The following SGCZ variants were observed in gnomAD, a reference collection of about 807,000 sequenced individuals.
SGCZ encodes the protein sarcoglycan zeta, also known as zeta-sarcoglycan.
SGCZ carries 40 observed loss-of-function variants against 41.3 expected under a neutral mutation model. The ratio of observed to expected loss-of-function variants is 0.97; its 90% CI spans 0.75 to 1.26. SGCZ has a LOEUF of 1.26. SGCZ is among the 50% of genes most tolerant of loss of function. SGCZ has a pLI of 0.00. For synonymous variants in SGCZ, 206 were observed against 137.5 expected (o/e 1.50, Z -3.49); for missense variants, 552 against 369.8 (o/e 1.49, Z -4.04).
At chr8:14,447,272 T>C (rs971651822) in intron 2 of SGCZ, among the ~76,000 whole-genome samples, 9 of 152,184 alleles carry the variant, frequency 5.9e-5, no homozygotes, top group Non-Finnish European at 1.3e-4. Context: ...AGATCTTTTC[T>C]TGCTAAAGTT....
chr8:14,107,923 G>A (rs1364451770), intron 6 of SGCZ, among the ~76,000 whole-genome samples: 1 of 152,164 alleles, frequency 6.6e-6, no homozygotes, highest in Admixed American at 6.5e-5. Flanking sequence ...GGTTACAGGT[G>A]TGAGCCACCG....
At chr8:15,009,410 T>A (rs1297505201) in intron 1 of SGCZ, among the ~76,000 whole-genome samples, 1 of 59,824 alleles carries the variant, frequency 1.7e-5, no homozygotes, top group African/African-American at 5.6e-5. Flanking sequence ...CGTTGGGTAT[T>A]ACAATTCTAC....
chr8:14,128,435 C>CT (rs1340154581), intron 5 of SGCZ, among the ~76,000 whole-genome samples: 4 of 152,122 alleles, frequency 2.6e-5, no homozygotes, highest in Admixed American at 6.5e-5. Context: ...AAAGGGAACG[C>CT]TTATACACTG....
rs183205262 is a variant in SGCZ at position 14,852,159 on chromosome 8, G to A, written c.40-297233C>T. ...CTTTAAGACTTCTCCTGCCAAGTCAGCTCCAGAAATAAAATCACAAAATCT... is the reference window on the plus strand; with the variant it reads ...CTTTAAGACTTCTCCTGCCAAGTCAACTCCAGAAATAAAATCACAAAATCT... On this transcript the variant is annotated intron_variant, in intron 1 of 7. Transcript: ENST00000382080. Among the ~76,000 whole-genome samples the A allele has an allele frequency of 4.1e-3, 623 of 152,146 alleles. 4 individuals are homozygous for A. Among genetic ancestry groups the A allele is most frequent in the South Asian group, 0.018 (86 of 4,830 alleles).
At chr8:14,381,897 T>C (rs1585430613) in intron 2 of SGCZ, among the ~76,000 whole-genome samples, 1 of 152,234 alleles carries the variant, frequency 6.6e-6, no homozygotes, top group Non-Finnish European at 1.5e-5. Context: ...AAGATGCTTC[T>C]ATTTTTCTGC....
intron 1 of SGCZ, among the ~76,000 whole-genome samples, chr8:15,003,723 G>A (rs934382945): frequency 1.3e-5 from 2 of 152,034 alleles, no homozygotes; most frequent in Non-Finnish European, 1.5e-5. Flanking sequence ...CAGGATTTAT[G>A]ACAAAAACTC....
At chr8:14,103,727 C>G (rs1802111917) in intron 6 of SGCZ, among the ~76,000 whole-genome samples, 1 of 151,918 alleles carries the variant, frequency 6.6e-6, no homozygotes, top group Non-Finnish European at 1.5e-5. Flanking sequence ...TTCATATAAT[C>G]CCTGGAGGGG....
At chr8:14,560,626 T>C (rs12680094) in intron 1 of SGCZ, among the ~76,000 whole-genome samples, 30,006 of 152,050 alleles carry the variant, frequency 0.2, 3,673 homozygotes, top group Non-Finnish European at 0.27. Context: ...TTCTAGAATG[T>C]TCTATTTCTA....
chr8:14,739,817 C>A (rs1338258086), intron 1 of SGCZ, among the ~76,000 whole-genome samples: 1 of 152,052 alleles, frequency 6.6e-6, no homozygotes, highest in Non-Finnish European at 1.5e-5. Context: ...GAATACTTAT[C>A]ATGCTAGGTC....
intron 2 of SGCZ, among the ~76,000 whole-genome samples, chr8:14,466,482 G>T (rs997818517): frequency 2.7e-4 from 41 of 151,888 alleles, no homozygotes; most frequent in African/African-American, 9.9e-4. Context: ...TGGAGCCACT[G>T]AGCTCCTTGG....
intron 1 of SGCZ, among the ~76,000 whole-genome samples, chr8:14,647,626 T>C (rs983205229): frequency 8.5e-5 from 13 of 152,072 alleles, no homozygotes; most frequent in Admixed American, 2.6e-4. Flanking sequence ...TAAATTAATA[T>C]TAAAACATAG....
In SGCZ at chr8:14,784,913, A is replaced by AAAAAATATATATAT. The variant is rs1408574493; in HGVS notation, c.40-229988_40-229987insATATATATATTTTT. Among the ~76,000 whole-genome samples, 197 of 87,958 alleles carry AAAAAATATATATAT rather than the reference A, an allele frequency of 2.2e-3. 2 individuals carry two copies. The highest frequency in any genetic ancestry group is 9.0e-3 in the African/African-American group (192 of 21,290). The allele number at this position is 87,958 out of a possible 152,430, so 57.7% of individuals were successfully genotyped here. On this transcript the variant is annotated intron_variant, in intron 1 of 7. Coordinates refer to ENST00000382080, the MANE Select transcript of SGCZ (RefSeq NM_139167.4). ...GTGAAACTCTGCCTCAAAAAAAAAAAATATATATATATATATATATAAAAT... is the reference window on the plus strand; with the variant it reads ...GTGAAACTCTGCCTCAAAAAAAAAAAAAAAATATATATATATATATATATATATATATATAAAAT...
chr8:14,665,006 G>A lies in SGCZ; in HGVS notation c.40-110080C>T, dbSNP rs546168018. Among the ~76,000 whole-genome samples, 6 of 152,146 alleles carry A rather than the reference G, an allele frequency of 3.9e-5. No individual in the cohort carries two copies. In the East Asian group the frequency reaches 1.2e-3, roughly 30 times the overall value. On this transcript the variant is annotated intron_variant, in intron 1 of 7. Transcript: ENST00000382080. Reference sequence around the variant, plus strand: ...GAATTTTTAGGTGGGGGAATAAATGGCATTAAAACTCTTTTTTAAAATTAT... The same window carrying A: ...GAATTTTTAGGTGGGGGAATAAATGACATTAAAACTCTTTTTTAAAATTAT...
chr8:14,565,203 A>AC (rs1358124872), intron 1 of SGCZ, among the ~76,000 whole-genome samples: 2 of 152,100 alleles, frequency 1.3e-5, no homozygotes, highest in Non-Finnish European at 2.9e-5. Context: ...TTAAAAAATA[A>AC]TTTTTTTCAG....
At chr8:15,097,815 CGTGTGTGTATATATATATACGTGT>C (rs71211004) in intron 1 of SGCZ, among the ~76,000 whole-genome samples, 2 of 74,508 alleles carry the variant, frequency 2.7e-5, no homozygotes, top group African/African-American at 4.7e-5. Flanking sequence ...TATATATATA[CGTGTGTGTATATATATATACGTGT>C]GTGTATATAT....
intron 4 of SGCZ, among the ~76,000 whole-genome samples, chr8:14,171,423 C>A (rs957228414): frequency 6.6e-6 from 1 of 151,920 alleles, no homozygotes; most frequent in Non-Finnish European, 1.5e-5. Flanking sequence ...CTATATGTAA[C>A]ATAACTTGTT....
intron 1 of SGCZ, among the ~76,000 whole-genome samples, chr8:14,645,439 T>A (rs1807175350): frequency 6.8e-6 from 1 of 146,500 alleles, no homozygotes; most frequent in South Asian, 2.1e-4. Context: ...GGTTTCTTTA[T>A]GACCAATTAG....
At chr8:14,763,008 G>A (rs562674262) in intron 1 of SGCZ, among the ~76,000 whole-genome samples, 1 of 152,342 alleles carries the variant, frequency 6.6e-6, no homozygotes, top group South Asian at 2.1e-4. Flanking sequence ...CATCTAAGTT[G>A]TAGCTTAGTA....
At chr8:15,212,410 T>A (rs1476129882) in intron 1 of SGCZ, among the ~76,000 whole-genome samples, 1 of 151,978 alleles carries the variant, frequency 6.6e-6, no homozygotes, top group Non-Finnish European at 1.5e-5. Context: ...ATCCTAGGAG[T>A]TTAGATTCTT....
Sources: allele counts gnomAD v4.1 joint callset (sites outside exome capture counted in the v4.1 genomes callset), GRCh38; gene constraint gnomAD v4.1.1; transcripts MANE v1.5; gene names NCBI Gene and HGNC (gene_info 2026-07-23, HGNC 2026-07-21).